The following GLIS3 variants were observed in gnomAD, a reference collection of about 807,000 sequenced individuals.
The protein encoded by GLIS3 is zinc finger protein GLIS3.
GLIS3 carries 53 observed loss-of-function variants against 78.6 expected under a neutral mutation model. The ratio of observed to expected loss-of-function variants is 0.67; its 90% CI spans 0.54 to 0.85. GLIS3 has a LOEUF of 0.85. Among genes scored for constraint, GLIS3 ranks in the 40% least tolerant of loss-of-function variants. GLIS3 has a pLI of 0.00. For missense variants in GLIS3, 1,703 were observed against 1,231.1 expected (o/e 1.38, Z -5.74); for synonymous variants, 684 against 509.9 (o/e 1.34, Z -4.60).
At chr9:3,898,406 G>C (rs1823024243) in intron 7 of GLIS3, 2 of 449,088 alleles carry the variant, frequency 4.5e-6, no homozygotes, top group East Asian at 9.3e-5. Flanking sequence ...AATCAAGTGA[G>C]TAAATGTAAC....
intron 1 of GLIS3, among the ~76,000 whole-genome samples, chr9:4,291,346 G>C (rs1452701955): frequency 6.6e-6 from 1 of 152,086 alleles, no homozygotes; most frequent in Non-Finnish European, 1.5e-5. Flanking sequence ...ATAATGTAAT[G>C]AACATGAGGG....
rs80084868 is a variant in GLIS3 at position 3,903,603 on chromosome 9, T to A, written c.1984-4768A>T. ...CATTCATTTGTCGAACAAATATTTA[T>A]TGGGCCTCAACCATATGCCAGGCAC... is the stretch of plus-strand genomic sequence containing the variant. On this transcript the variant is annotated intron_variant, in intron 6 of 10. Transcript: ENST00000381971. Among the ~76,000 whole-genome samples, 983 of 152,316 alleles carry A rather than the reference T, an allele frequency of 6.5e-3. 14 individuals carry two copies. The highest frequency in any genetic ancestry group is 0.022 in the African/African-American group (928 of 41,562).
intron 4 of GLIS3, among the ~76,000 whole-genome samples, chr9:4,025,147 G>A (rs1272019058): frequency 2.0e-5 from 3 of 152,078 alleles, no homozygotes; most frequent in Non-Finnish European, 4.4e-5. Context: ...CGCTACTCGG[G>A]AGGCTGAGGC....
chr9:4,182,361 A>T (rs1817406705), intron 2 of GLIS3, among the ~76,000 whole-genome samples: 1 of 152,182 alleles, frequency 6.6e-6, no homozygotes. Context: ...ACACTCTTAA[A>T]TTGCCTGCAT....
chr9:4,449,410 G>T, the GLIS3 span, among the ~76,000 whole-genome samples: 1 of 152,204 alleles, frequency 6.6e-6, no homozygotes, highest in Non-Finnish European at 1.5e-5. Flanking sequence ...TGAACAAAAG[G>T]CAGCAGAAAC....
chr9:4,032,120 G>A (rs1823892435), intron 4 of GLIS3, among the ~76,000 whole-genome samples: 1 of 152,196 alleles, frequency 6.6e-6, no homozygotes, highest in Non-Finnish European at 1.5e-5. Flanking sequence ...CCCACCGTCA[G>A]GCAGATCTAA....
upstream of GLIS3, among the ~76,000 whole-genome samples, chr9:4,349,780 A>G (rs138921714): frequency 2.4e-3 from 369 of 152,366 alleles, 1 homozygote; most frequent in African/African-American, 8.6e-3. Flanking sequence ...CGGGTACCAG[A>G]AATGAAGAAG....
chr9:3,954,397 A>C (rs1230105529), intron 4 of GLIS3, among the ~76,000 whole-genome samples: 1 of 152,228 alleles, frequency 6.6e-6, no homozygotes, highest in African/African-American at 2.4e-5. Context: ...AGGCACAGCT[A>C]CATTCTCTGT....
the GLIS3 span, among the ~76,000 whole-genome samples, chr9:4,399,697 C>G: frequency 0.016 from 2,509 of 152,246 alleles, 76 homozygotes; most frequent in African/African-American, 0.057. Flanking sequence ...AAGCAGCCCA[C>G]ATCTGGAAGC....
At chr9:4,082,998 A>C (rs1251934834) in intron 4 of GLIS3, among the ~76,000 whole-genome samples, 1 of 152,136 alleles carries the variant, frequency 6.6e-6, no homozygotes, top group Admixed American at 6.6e-5. Flanking sequence ...TGCAAGTGCC[A>C]AAGTTTTTAG....
chr9:4,179,816 A>T (rs1817140241), intron 2 of GLIS3, among the ~76,000 whole-genome samples: 1 of 152,008 alleles, frequency 6.6e-6, no homozygotes, highest in Non-Finnish European at 1.5e-5. Flanking sequence ...AGGCTGAGGC[A>T]GGAGAATCGC....
chr9:4,229,092 T>G (rs767549761), intron 2 of GLIS3, among the ~76,000 whole-genome samples: 2 of 152,122 alleles, frequency 1.3e-5, no homozygotes, highest in African/African-American at 4.8e-5. Context: ...ACAAGGTTCA[T>G]AACAGTGCGT....
chr9:4,284,314 C>A (rs1373960390), intron 2 of GLIS3, among the ~76,000 whole-genome samples: 1 of 152,152 alleles, frequency 6.6e-6, no homozygotes, highest in Non-Finnish European at 1.5e-5. Flanking sequence ...AATATTATCA[C>A]CATTATTAGT....
chr9:3,987,296 GA>G (rs1819818888), intron 4 of GLIS3, among the ~76,000 whole-genome samples: 1 of 151,780 alleles, frequency 6.6e-6, no homozygotes, highest in South Asian at 2.1e-4. Context: ...AACATAATGA[GA>G]AAAAAAATTA....
At chr9:4,290,861 T>C (rs993078314) in intron 1 of GLIS3, among the ~76,000 whole-genome samples, 4 of 152,170 alleles carry the variant, frequency 2.6e-5, no homozygotes, top group Admixed American at 2.6e-4. Context: ...GAGGATATTA[T>C]AGAGGAAATA....
At chr9:4,255,311 T>C (rs1824819889) in intron 2 of GLIS3, among the ~76,000 whole-genome samples, 1 of 152,220 alleles carries the variant, frequency 6.6e-6, no homozygotes, top group African/African-American at 2.4e-5. Flanking sequence ...GGTGGTTTCC[T>C]GCCAAACTAA....
chr9:4,133,675 T>C (rs77056284), intron 2 of GLIS3, among the ~76,000 whole-genome samples: 70 of 152,306 alleles, frequency 4.6e-4, no homozygotes, highest in African/African-American at 1.6e-3. Flanking sequence ...ATATATGTAA[T>C]AGGGCCTGGC....
At chr9:4,000,747 T>C (rs1427560101) in intron 4 of GLIS3, among the ~76,000 whole-genome samples, 1 of 152,202 alleles carries the variant, frequency 6.6e-6, no homozygotes, top group African/African-American at 2.4e-5. Context: ...ACCTGCATTC[T>C]AGTGACACAC....
chr9:4,247,376 A>G (rs962102620), intron 2 of GLIS3, among the ~76,000 whole-genome samples: 6 of 152,206 alleles, frequency 3.9e-5, no homozygotes, highest in Non-Finnish European at 8.8e-5. Context: ...AAAATTTCTT[A>G]TTTACATGGT....
Sources: gnomAD v4.1 joint callset for allele counts (sites outside exome capture counted in the v4.1 genomes callset) on GRCh38, gnomAD v4.1.1 for gene constraint, MANE v1.5 for transcripts, NCBI Gene and HGNC (gene_info 2026-07-23, HGNC 2026-07-21) for gene names.